The following BID variants were observed in gnomAD, a reference collection of about 807,000 sequenced individuals.
BID encodes BH3 interacting domain death agonist.
Under a neutral mutation model 17.4 loss-of-function variants are expected in BID, and 19 were observed. That is an observed-to-expected ratio of 1.09 (90% CI 0.76 to 1.60). The LOEUF is 1.60. BID is among the 40% of genes most tolerant of loss of function. The pLI, the probability that BID is intolerant of heterozygous loss-of-function variation, is 0.00. For synonymous variants in BID, 108 were observed against 102.8 expected (o/e 1.05, Z -0.31); for missense variants, 226 against 256.0 (o/e 0.88, Z 0.80).
chr22:17,774,274 G>C (rs971723066), intron 1 of BID, 107 bp downstream of exon 1: 1 of 151,626 alleles, frequency 6.6e-6, no homozygotes, highest in African/African-American at 2.4e-5. Flanking sequence ...CCGCGGTCGG[G>C]CCCAGGGCGG....
chr22:17,766,440 C>T (rs1475518591), intron 1 of BID, among the ~76,000 whole-genome samples: 4 of 151,772 alleles, frequency 2.6e-5, no homozygotes, highest in Non-Finnish European at 5.9e-5. Flanking sequence ...CACCACTATG[C>T]CGGGCTAATT....
rs1177822740 is a variant in BID at position 17,773,216 on chromosome 22, G to A, written c.-59+1165C>T. Among the ~76,000 whole-genome samples the A allele has an allele frequency of 1.3e-5, 2 of 152,094 alleles. No individual in the cohort carries two copies. Among genetic ancestry groups the A allele is most frequent in the Non-Finnish European group, 2.9e-5 (2 of 68,008 alleles). On this transcript the variant is annotated intron_variant, in intron 1 of 5. Coordinates refer to ENST00000622694, the MANE Select transcript of BID (RefSeq NM_001196.4). The surrounding 1 kb of genome is among the most constrained non-coding windows in gnomAD (Gnocchi z 4.4). The stretch of plus-strand genomic sequence containing the variant: ...TGGCCAGGGTCGTCCTCCCGGCAGT[G>A]CCTCCCTGGAGCTCTGTCTACCTCA...
In BID at chr22:17,743,830, G is replaced by GGCT; in HGVS notation, c.193_195dup (p.Ser65dup). 6.2e-7 allele frequency: 1 copy of GGCT among 1,610,944 alleles called. No homozygotes were observed. Among genetic ancestry groups the GGCT allele is most frequent in the Non-Finnish European group, 8.5e-7 (1 of 1,179,198 alleles). On this transcript the variant is annotated inframe_insertion, in exon 3 of 6. Coordinates refer to ENST00000622694, the MANE Select transcript of BID (RefSeq NM_001196.4). Reference sequence around the variant, plus strand: ...GCCTCTATTCTTCCCAAGCGGGAGTGGCTGCTGCGGTTGCCATCAGTCTGC... The same window carrying GGCT: ...GCCTCTATTCTTCCCAAGCGGGAGTGGCTGCTGCTGCGGTTGCCATCAGTCTGC...
chr22:17,740,232 T>TG, intron 3 of BID: 2 of 1,488,646 alleles, frequency 1.3e-6, no homozygotes, highest in Non-Finnish European at 1.8e-6. Context: ...TTTTGTCCAC[T>TG]GACAAATACC....
rs2061732415 is a variant in BID at position 17,773,040 on chromosome 22, A to C, written c.-59+1341T>G. Among the ~76,000 whole-genome samples the C allele has an allele frequency of 6.6e-6, 1 of 152,084 alleles. No homozygotes were observed. Among genetic ancestry groups the C allele is most frequent in the Admixed American group, 6.5e-5 (1 of 15,282 alleles). Reference sequence around the variant, plus strand: ...CTCACATCTCATGAACAGAGACACGAGCTGCTTCCTCATGCTCCCTGTGCC... The same window carrying C: ...CTCACATCTCATGAACAGAGACACGCGCTGCTTCCTCATGCTCCCTGTGCC... On this transcript the variant is annotated intron_variant, in intron 1 of 5. Coordinates refer to ENST00000622694, the MANE Select transcript of BID (RefSeq NM_001196.4). This position sits in a 1 kb window ranked among gnomAD's most constrained non-coding sequence, Gnocchi z 4.4.
In BID at chr22:17,751,522, C is replaced by CCATTTTGTAGGA. The variant is rs1466020188; in HGVS notation, c.-58-1360_-58-1349dup. On this transcript the variant is annotated intron_variant, in intron 1 of 5. Coordinates refer to ENST00000622694, the MANE Select transcript of BID (RefSeq NM_001196.4). ...TATCAGGTTGAACCAAATGAAATGG[C>CCATTTTGTAGGA]CATTTTGTAGGACAAAACCAAGCAT... 3.0e-4 allele frequency among the ~76,000 whole-genome samples: 46 copies of CCATTTTGTAGGA among 152,162 alleles called. 2 individuals carry two copies. The South Asian group carries it at 8.9e-3, about 29-fold the overall frequency.
intron 2 of BID, among the ~76,000 whole-genome samples, chr22:17,747,638 T>A (rs2061503338): frequency 6.6e-6 from 1 of 152,212 alleles, no homozygotes; most frequent in Non-Finnish European, 1.5e-5. Flanking sequence ...CCACTTTTGA[T>A]AAAAGAATTG....
Position 17,734,499 on chromosome 22 carries a change from C to G in BID, c.*1081G>C, listed in dbSNP as rs768813926. On this transcript the variant is annotated 3_prime_UTR_variant, in exon 6 of 6. Transcript: ENST00000622694. ...CCTGGGACATAGCTTACCACTGGAA[C>G]AGCAGACCAGTGTTGCACTGTTTCT... 6.6e-6 allele frequency: 1 copy of G among 152,240 alleles called. No homozygotes were observed. The highest frequency in any genetic ancestry group is 2.4e-5 in the African/African-American group (1 of 41,458). 9.4% of individuals were successfully genotyped at this position (152,240 alleles called of 1,614,324 possible). A position where few individuals can be genotyped will look rare whatever the true frequency, so the allele number is the denominator to read the frequency against.
At chr22:17,754,953 C>T (rs183179691) in intron 1 of BID, among the ~76,000 whole-genome samples, 40 of 151,878 alleles carry the variant, frequency 2.6e-4, no homozygotes, top group African/African-American at 8.0e-4. Context: ...TTAGTAGAGA[C>T]GGACTTTCAC....
chr22:17,736,579 G>A lies in BID; in HGVS notation c.577-988C>T, dbSNP rs946690359. Among the ~76,000 whole-genome samples the A allele has an allele frequency of 7.2e-5, 11 of 152,168 alleles. No individual in the cohort carries two copies. The East Asian group carries it at 1.9e-3, about 27-fold the overall frequency. On this transcript the variant is annotated intron_variant, in intron 5 of 5. Transcript: ENST00000622694. Reference sequence around the variant, plus strand: ...AGAAGCACCAGATTTTGCTACATGGGGGCAGCTGCAAAAACTGGCCCTTCT... The same window carrying A: ...AGAAGCACCAGATTTTGCTACATGGAGGCAGCTGCAAAAACTGGCCCTTCT...
intron 1 of BID, among the ~76,000 whole-genome samples, chr22:17,761,552 C>A (rs1468010506): frequency 6.6e-6 from 1 of 151,650 alleles, no homozygotes; most frequent in Non-Finnish European, 1.5e-5. Context: ...CTGCCTCAGC[C>A]TCCCGAGTAG....
chr22:17,746,784 A>T (rs1265681034), intron 2 of BID, among the ~76,000 whole-genome samples: 1 of 152,206 alleles, frequency 6.6e-6, no homozygotes, highest in Non-Finnish European at 1.5e-5. Flanking sequence ...AGGCAGCCAC[A>T]GGAGCCAGGA....
At chr22:17,755,665 G>A (rs567883791) in intron 1 of BID, among the ~76,000 whole-genome samples, 1 of 152,032 alleles carries the variant, frequency 6.6e-6, no homozygotes, top group East Asian at 2.0e-4. Flanking sequence ...GCCGGGTGTG[G>A]TGGCGCGTAC....
rs747883996 is a variant in BID, at chr22:17,744,017, A to T, written c.13-4T>A. The T allele has an allele frequency of 6.2e-7, 1 of 1,611,472 alleles. No individual in the cohort carries two copies. Among genetic ancestry groups the T allele is most frequent in the Admixed American group, 1.7e-5 (1 of 59,924 alleles). ...TGAGGCTGGAACCGTTGTTGACCTGAGGGGAAAGGGGAGTCAGGAAGCCGG... is the reference window on the plus strand; with the variant it reads ...TGAGGCTGGAACCGTTGTTGACCTGTGGGGAAAGGGGAGTCAGGAAGCCGG... On this transcript the variant is annotated splice_polypyrimidine_tract_variant and splice_region_variant and intron_variant, in intron 2 of 5. Transcript: ENST00000622694.
chr22:17,763,325 C>A (rs1352389895), intron 1 of BID, among the ~76,000 whole-genome samples: 1 of 151,460 alleles, frequency 6.6e-6, no homozygotes, highest in Non-Finnish European at 1.5e-5. Flanking sequence ...CTCACTGCAA[C>A]CTTCGTCTCC....
At chr22:17,738,357 G>A (rs2061434880) in intron 4 of BID, 128 bp from the exon 5 acceptor site, 2 of 881,186 alleles carry the variant, frequency 2.3e-6, no homozygotes, top group Non-Finnish European at 3.4e-6. Context: ...CGGAAAGAAT[G>A]AGAAACAGTT....
chr22:17,772,906 T>G (rs537415473), intron 1 of BID, among the ~76,000 whole-genome samples: 100 of 152,154 alleles, frequency 6.6e-4, no homozygotes, highest in Non-Finnish European at 1.3e-3. Flanking sequence ...TGCACAACCT[T>G]GAGACCACCT....
intron 3 of BID, chr22:17,740,221 G>C (rs2145875578): frequency 6.4e-7 from 1 of 1,565,202 alleles, no homozygotes; most frequent in Middle Eastern, 1.7e-4. Flanking sequence ...TTTTTAATCT[G>C]TTTTGTCCAC....
intron 1 of BID, among the ~76,000 whole-genome samples, chr22:17,753,404 G>A (rs1468913663): frequency 2.0e-5 from 3 of 152,234 alleles, no homozygotes; most frequent in Non-Finnish European, 4.4e-5. Flanking sequence ...CCAGACCCTG[G>A]GGGCCCCATC....
Sources: gnomAD v4.1 joint callset for allele counts (sites outside exome capture counted in the v4.1 genomes callset) on GRCh38, gnomAD v4.1.1 for gene constraint, Gnocchi (gnomAD v3.1) non-coding constraint, MANE v1.5 for transcripts, NCBI Gene and HGNC (gene_info 2026-07-23, HGNC 2026-07-21) for gene names.